WBP1L: variants seen among roughly 807,000 people sequenced by gnomAD.
The protein encoded by WBP1L is WW domain binding protein 1-like.
WBP1L carries 17 observed loss-of-function variants against 33.7 expected under a neutral mutation model. The ratio of observed to expected loss-of-function variants is 0.50; its 90% CI spans 0.34 to 0.76. WBP1L has a LOEUF of 0.76. Among genes scored for constraint, WBP1L ranks in the 30% least tolerant of loss-of-function variants. The pLI is 0.01. For missense variants in WBP1L, 389 were observed against 469.4 expected, an observed-to-expected ratio of 0.83 and a Z score of 1.58; for synonymous variants, 173 against 190.8, an observed-to-expected ratio of 0.91 and a Z score of 0.77.
At chr10:102,797,936 A>G in intron 1 of WBP1L, 57 bp from the exon 2 acceptor site, 1 of 1,453,536 alleles carries the variant, frequency 6.9e-7, no homozygotes, top group Non-Finnish European at 9.6e-7. Flanking sequence ...AATGATGAGA[A>G]GGAAAGTGTT....
At chr10:102,787,711 C>T (rs1843436297) in intron 1 of WBP1L, among the ~76,000 whole-genome samples, 1 of 152,176 alleles carries the variant, frequency 6.6e-6, no homozygotes, top group South Asian at 2.1e-4. Flanking sequence ...TCTGTACTCT[C>T]CTTCTACCCA....
chr10:102,749,233 T>C (rs1842899879), intron 1 of WBP1L, among the ~76,000 whole-genome samples: 1 of 151,600 alleles, frequency 6.6e-6, no homozygotes, highest in Non-Finnish European at 1.5e-5. Flanking sequence ...GAAACATATT[T>C]AATTTTGAAA....
At chr10:102,781,622 G>A (rs1406969622) in intron 1 of WBP1L, among the ~76,000 whole-genome samples, 1 of 151,986 alleles carries the variant, frequency 6.6e-6, no homozygotes, top group Non-Finnish European at 1.5e-5. Flanking sequence ...TGTTACCCTC[G>A]GGCCCAACCT....
intron 1 of WBP1L, among the ~76,000 whole-genome samples, chr10:102,773,985 A>G (rs1235219036): frequency 6.6e-6 from 1 of 152,178 alleles, no homozygotes; most frequent in African/African-American, 2.4e-5. Flanking sequence ...GGCACACTGT[A>G]GGCATTCAGT....
In WBP1L at chr10:102,813,114, C is replaced by G. The variant is rs1042393845; in HGVS notation, c.875C>G (p.Thr292Arg). The change falls in exon 4 of 4, where the codon ACA becomes AGA. Residue 292 changes from threonine (T) to arginine (R), a missense_variant. Thr to Arg is a moderately conservative substitution (Grantham distance 71). Coordinates refer to ENST00000448841, the MANE Select transcript of WBP1L (RefSeq NM_001083913.2). ...HHDDDLKEFN[T>R]LIDDALDGPL... ...GACGATGACCTCAAAGAGTTCAACACACTCATCGATGATGCTCTGGATGGG... is the reference window on the plus strand; with the variant it reads ...GACGATGACCTCAAAGAGTTCAACAGACTCATCGATGATGCTCTGGATGGG... The G allele has an allele frequency of 6.2e-7, 1 of 1,614,008 alleles. No homozygotes were observed. The highest frequency in any genetic ancestry group is 8.5e-7 in the Non-Finnish European group (1 of 1,180,026).
chr10:102,807,904 T>G (rs1263717705), intron 2 of WBP1L, among the ~76,000 whole-genome samples: 1 of 151,910 alleles, frequency 6.6e-6, no homozygotes, highest in Non-Finnish European at 1.5e-5. Context: ...TCATAGATAT[T>G]TTTAAAATTT....
chr10:102,769,053 C>A (rs529292072), intron 1 of WBP1L, among the ~76,000 whole-genome samples: 1 of 152,266 alleles, frequency 6.6e-6, no homozygotes, highest in East Asian at 1.9e-4. Flanking sequence ...GGTATAATCA[C>A]AGCTCACTAC....
intron 1 of WBP1L, among the ~76,000 whole-genome samples, chr10:102,759,651 G>A (rs539155568): frequency 1.3e-5 from 2 of 152,236 alleles, no homozygotes; most frequent in Admixed American, 6.5e-5. Context: ...TGGTGTACAA[G>A]TTTTTTTGTT....
At chr10:102,751,128 GTAGCTGGGAC>G (rs1842920651) in intron 1 of WBP1L, among the ~76,000 whole-genome samples, 1 of 151,932 alleles carries the variant, frequency 6.6e-6, no homozygotes, top group South Asian at 2.1e-4. Context: ...AGCCTCCTGA[GTAGCTGGGAC>G]TACAGGTATG....
chr10:102,807,907 T>A (rs938761450), intron 2 of WBP1L, among the ~76,000 whole-genome samples: 2 of 152,028 alleles, frequency 1.3e-5, no homozygotes. Flanking sequence ...TAGATATTTT[T>A]AAAATTTAAT....
At chr10:102,811,545 C>G (rs1843843231) in intron 3 of WBP1L, among the ~76,000 whole-genome samples, 1 of 152,210 alleles carries the variant, frequency 6.6e-6, no homozygotes, top group Non-Finnish European at 1.5e-5. Flanking sequence ...GAATCTCGCT[C>G]TGTCACCCAG....
intron 1 of WBP1L, among the ~76,000 whole-genome samples, chr10:102,754,172 A>T (rs978363070): frequency 6.6e-6 from 1 of 152,222 alleles, no homozygotes; most frequent in East Asian, 1.9e-4. Context: ...ATGTTGGAAT[A>T]TTGTAACTCT....
chr10:102,785,583 C>G (rs879338246), intron 1 of WBP1L, among the ~76,000 whole-genome samples: 1 of 152,026 alleles, frequency 6.6e-6, no homozygotes, highest in Non-Finnish European at 1.5e-5. Context: ...AGTGCAATCC[C>G]CACTTTTAAG....
At chr10:102,782,989 G>C (rs1056309572) in intron 1 of WBP1L, among the ~76,000 whole-genome samples, 1 of 152,164 alleles carries the variant, frequency 6.6e-6, no homozygotes, top group Non-Finnish European at 1.5e-5. Context: ...GTCTCGATGT[G>C]GTTTCAAATA....
intron 1 of WBP1L, among the ~76,000 whole-genome samples, chr10:102,782,169 C>T (rs1360421601): frequency 2.9e-5 from 4 of 138,352 alleles, no homozygotes; most frequent in Non-Finnish European, 4.6e-5. Flanking sequence ...TGCCTGGCCT[C>T]GGGTTAATTT....
At chr10:102,775,323 C>T (rs954108266) in intron 1 of WBP1L, among the ~76,000 whole-genome samples, 3 of 152,104 alleles carry the variant, frequency 2.0e-5, no homozygotes, top group South Asian at 2.1e-4. Context: ...ATTTGGCTTA[C>T]ACCACCGACT....
intron 1 of WBP1L, among the ~76,000 whole-genome samples, chr10:102,764,105 C>T (rs571807329): frequency 4.6e-5 from 7 of 152,322 alleles, no homozygotes; most frequent in South Asian, 2.1e-4. Context: ...TGAGCCACCA[C>T]GCCCGGCCTT....
rs760553328 is a variant in WBP1L, at chr10:102,812,929, G to T, written c.690G>T (p.Gly230=). The T allele has an allele frequency of 1.3e-6, 2 of 1,593,472 alleles. No individual in the cohort carries two copies. Among genetic ancestry groups the T allele is most frequent in the Non-Finnish European group, 1.7e-6 (2 of 1,167,096 alleles). Residue 230 remains glycine (G), a synonymous_variant, in exon 4 of 4, where the codon GGG becomes GGT. Coordinates refer to ENST00000448841, the MANE Select transcript of WBP1L (RefSeq NM_001083913.2). ...SVAGLGELDP[G]AFLDKDAECR... ...CTGGCCTGGGGGAGCTGGACCCGGG[G>T]GCCTTCCTGGACAAAGATGCAGAAT...
At chr10:102,786,460 G>A (rs914532079) in intron 1 of WBP1L, among the ~76,000 whole-genome samples, 16 of 152,104 alleles carry the variant, frequency 1.1e-4, no homozygotes, top group Admixed American at 9.8e-4. Context: ...TTTAAAAGGC[G>A]GATTTTCAGT....
Sources: gnomAD v4.1 joint callset for allele counts (sites outside exome capture counted in the v4.1 genomes callset) on GRCh38, gnomAD v4.1.1 for gene constraint, MANE v1.5 for transcripts, NCBI Gene and HGNC (gene_info 2026-07-23, HGNC 2026-07-21) for gene names.